Variants in PARP12 observed in about 807,000 individuals in gnomAD.
The protein encoded by PARP12 is poly(ADP-ribose) polymerase family member 12, also known as protein mono-ADP-ribosyltransferase PARP12.
Under a neutral mutation model 72.4 loss-of-function variants are expected in PARP12, and 59 were observed. The ratio of observed to expected loss-of-function variants is 0.81; its 90% CI spans 0.66 to 1.01. The LOEUF (loss-of-function observed/expected upper bound fraction) is 1.01. Among genes scored for constraint, PARP12 ranks in the 50% least tolerant of loss-of-function variants. PARP12 has a pLI of 0.00. For synonymous variants in PARP12, 403 were observed against 371.4 expected (o/e 1.09, Z -0.98); for missense variants, 851 against 914.0 (o/e 0.93, Z 0.89).
In PARP12 at chr7:140,024,848, G is replaced by A. The variant is rs756037402; in HGVS notation, c.1818C>T (p.His606=). ...GGGTCTGCGTGTCGGATTTGCTGTA[G>A]TGGTGGGAATATGCAGCATCTCGGG... The part of the protein sequence containing the change: ...YFARDAAYSH[H]YSKSDTQTHT... Residue 606 remains histidine, a synonymous_variant, in exon 12 of 12, where the codon CAC becomes CAT. Coordinates refer to ENST00000263549, the MANE Select transcript of PARP12 (RefSeq NM_022750.4). 3.7e-6 allele frequency: 6 copies of A among 1,614,044 alleles called. No homozygotes were observed. In the East Asian group the frequency reaches 1.3e-4, roughly 36 times the overall value.
At chr7:140,027,478 T>C in intron 9 of PARP12, 72 bp from the exon 10 acceptor site, 1 of 1,568,698 alleles carries the variant, frequency 6.4e-7, no homozygotes, top group South Asian at 1.1e-5. Context: ...TCCCAAAGCT[T>C]CTTGTAAACA....
At chr7:140,039,261 C>T (rs1816355422) in intron 6 of PARP12, among the ~76,000 whole-genome samples, 1 of 152,100 alleles carries the variant, frequency 6.6e-6, no homozygotes, top group African/African-American at 2.4e-5. Flanking sequence ...GAAAACAATC[C>T]CTCCCCTTTG....
chr7:140,059,883 A>G (rs1817368959), intron 1 of PARP12, among the ~76,000 whole-genome samples: 1 of 152,324 alleles, frequency 6.6e-6, no homozygotes, highest in African/African-American at 2.4e-5. Flanking sequence ...AAATCAGGGG[A>G]GCATGCTGGA....
intron 8 of PARP12, among the ~76,000 whole-genome samples, chr7:140,030,230 A>G (rs80317111): frequency 6.6e-6 from 1 of 152,370 alleles, no homozygotes; most frequent in East Asian, 1.9e-4. Flanking sequence ...GATCATCACA[A>G]TGATCCAAGA....
intron 5 of PARP12, among the ~76,000 whole-genome samples, chr7:140,044,457 C>T (rs1164718474): frequency 6.6e-6 from 1 of 152,146 alleles, no homozygotes. Context: ...CAAGCCAAGG[C>T]ATGCCAAGGA....
intron 1 of PARP12, among the ~76,000 whole-genome samples, chr7:140,062,142 G>C (rs1382956529): frequency 6.6e-6 from 1 of 152,172 alleles, no homozygotes; most frequent in Non-Finnish European, 1.5e-5. Context: ...CTGCTGGGCA[G>C]AGAAAACCTT....
intron 8 of PARP12, chr7:140,033,669 A>C: frequency 7.1e-6 from 7 of 985,348 alleles, no homozygotes; most frequent in Non-Finnish European, 8.4e-6. Context: ...ATTTCCCCTC[A>C]TCTGCTATAG....
chr7:140,061,675 C>T (rs924521458), intron 1 of PARP12, among the ~76,000 whole-genome samples: 17 of 152,164 alleles, frequency 1.1e-4, no homozygotes, highest in African/African-American at 2.9e-4. Flanking sequence ...AATTCTTTAG[C>T]ATAAACCTCA....
intron 7 of PARP12, chr7:140,034,811 C>T (rs1014545527): frequency 2.6e-5 from 4 of 155,716 alleles, no homozygotes; most frequent in African/African-American, 9.7e-5. Context: ...TTTCTTGCTT[C>T]CCCACCCTCA....
At chr7:140,041,895 T>C in intron 5 of PARP12, 56 bp from the exon 6 acceptor site, 1 of 1,438,764 alleles carries the variant, frequency 7.0e-7, no homozygotes, top group South Asian at 1.2e-5. Flanking sequence ...CAGACACAGG[T>C]CCCTCAGCTT....
At chr7:140,037,993 T>C (rs1323329537) in intron 6 of PARP12, 137 bp from the exon 7 acceptor site, 5 of 1,448,276 alleles carry the variant, frequency 3.5e-6, no homozygotes, top group Non-Finnish European at 4.5e-6. Context: ...CCAGGGAGCA[T>C]GGTATGGCAG....
chr7:140,062,928 A>G lies in PARP12; in HGVS notation c.-81T>C. The G allele has an allele frequency of 9.2e-7, 1 of 1,091,706 alleles. No homozygotes were observed. The highest frequency in any genetic ancestry group is 1.1e-6 in the Non-Finnish European group (1 of 878,828). 67.6% of individuals were successfully genotyped at this position (1,091,706 alleles called of 1,614,324 possible). A position where few individuals can be genotyped will look rare whatever the true frequency, so the allele number is the denominator to read the frequency against. ...ACGCTGGCTGGCGGGCGGCTCTCGC[A>G]GGGTGGAGACGCCGGCGGGAAACGA... is the stretch of plus-strand genomic sequence containing the variant. On this transcript the variant is annotated 5_prime_UTR_variant, in exon 1 of 12. Transcript: ENST00000263549.
At chr7:140,047,973 G>A (rs1338734848) in intron 4 of PARP12, among the ~76,000 whole-genome samples, 1 of 152,162 alleles carries the variant, frequency 6.6e-6, no homozygotes, top group Non-Finnish European at 1.5e-5. Flanking sequence ...TATTTAATGA[G>A]AGTAAGAAGC....
chr7:140,025,721 C>A, intron 11 of PARP12: 2 of 307,292 alleles, frequency 6.5e-6, no homozygotes, highest in Non-Finnish European at 1.3e-5. Flanking sequence ...TTTCGATTTC[C>A]AAAGAAATAG....
At chr7:140,050,908 C>G (rs1018734628) in intron 4 of PARP12, among the ~76,000 whole-genome samples, 1 of 152,096 alleles carries the variant, frequency 6.6e-6, no homozygotes, top group African/African-American at 2.4e-5. Context: ...CAGTATAAAT[C>G]ATATACAAAA....
At chr7:140,041,571 T>C (rs1422015841) in intron 6 of PARP12, 73 bp downstream of exon 6, 4 of 1,460,458 alleles carry the variant, frequency 2.7e-6, no homozygotes, top group Admixed American at 3.9e-5. Context: ...GGCAACAATA[T>C]GGGGGCTCTT....
At chr7:140,058,457 G>A (rs997020133) in intron 1 of PARP12, among the ~76,000 whole-genome samples, 7 of 151,286 alleles carry the variant, frequency 4.6e-5, no homozygotes, top group African/African-American at 1.7e-4. Context: ...CTTGCAGTGA[G>A]CCACTGCACT....
chr7:140,038,344 A>G (rs1816307965), intron 6 of PARP12: 1 of 961,100 alleles, frequency 1.0e-6, no homozygotes, highest in Admixed American at 6.2e-5. Flanking sequence ...TAAATTATCC[A>G]TTTCAATCCC....
chr7:140,034,412 TTAGA>T (rs1816072470), intron 7 of PARP12, 81 bp from the exon 8 acceptor site: 3 of 1,197,868 alleles, frequency 2.5e-6, no homozygotes, highest in East Asian at 5.5e-5. Context: ...TAAACACAAA[TTAGA>T]TAGATTTGAA....
Sources: allele counts gnomAD v4.1 joint callset (sites outside exome capture counted in the v4.1 genomes callset), GRCh38; gene constraint gnomAD v4.1.1; transcripts MANE v1.5; gene names NCBI Gene and HGNC (gene_info 2026-07-23, HGNC 2026-07-21).